WWOX: variants seen among roughly 807,000 people sequenced by gnomAD.
WWOX encodes the protein WW domain-containing oxidoreductase.
Under a neutral mutation model 46.2 loss-of-function variants are expected in WWOX, and 69 were observed. The ratio of observed to expected loss-of-function variants is 1.49; its 90% CI spans 1.23 to 1.82. The LOEUF (loss-of-function observed/expected upper bound fraction) is 1.82, where lower values mean the gene tolerates loss of function less well. Ranked by LOEUF, WWOX falls within the 40% of genes most tolerant of loss-of-function variation. The pLI, the probability that WWOX is intolerant of heterozygous loss-of-function variation, is 0.00. For missense variants in WWOX, 919 were observed against 542.6 expected, an observed-to-expected ratio of 1.69 and a Z score of -6.89; for synonymous variants, 359 against 202.6, an observed-to-expected ratio of 1.77 and a Z score of -6.56.
intron 8 of WWOX, among the ~76,000 whole-genome samples, chr16:79,105,766 AATCCTCCCACCTC>A (rs2049296448): frequency 6.6e-6 from 1 of 151,628 alleles, no homozygotes; most frequent in Admixed American, 6.6e-5. Flanking sequence ...GGATGCCAGC[AATCCTCCCACCTC>A]ATCCTCCCAA....
chr16:78,609,976 C>G (rs1015368452), intron 8 of WWOX, among the ~76,000 whole-genome samples: 3 of 150,224 alleles, frequency 2.0e-5, no homozygotes, highest in Non-Finnish European at 3.0e-5. Flanking sequence ...CCCCACCCCC[C>G]TTTAAGTAAC....
At chr16:78,127,121 C>T (rs996578894) in intron 4 of WWOX, among the ~76,000 whole-genome samples, 1 of 152,188 alleles carries the variant, frequency 6.6e-6, no homozygotes, top group African/African-American at 2.4e-5. Flanking sequence ...CACTTCCTAT[C>T]TGTATGACCC....
intron 6 of WWOX, among the ~76,000 whole-genome samples, chr16:78,388,226 T>G (rs915836195): frequency 1.3e-5 from 2 of 152,200 alleles, no homozygotes; most frequent in African/African-American, 4.8e-5. Context: ...ACATAGGGTT[T>G]CACCATATTG....
intron 8 of WWOX, among the ~76,000 whole-genome samples, chr16:78,706,575 C>A (rs1234369784): frequency 6.6e-6 from 1 of 152,206 alleles, no homozygotes; most frequent in South Asian, 2.1e-4. Flanking sequence ...GAGCTCAGCA[C>A]ACTTGGTGCA....
intron 5 of WWOX, among the ~76,000 whole-genome samples, chr16:78,202,645 G>A (rs924960275): frequency 3.9e-5 from 6 of 152,090 alleles, no homozygotes; most frequent in East Asian, 1.9e-4. Flanking sequence ...AATTTCATTC[G>A]ACTGGAGTAC....
chr16:78,849,696 A>G (rs2052393370), intron 8 of WWOX, among the ~76,000 whole-genome samples: 1 of 152,012 alleles, frequency 6.6e-6, no homozygotes, highest in Admixed American at 6.6e-5. Flanking sequence ...CCCTCCCTAG[A>G]CTAGATTTCT....
At chr16:78,884,627 A>T (rs1171342579) in intron 8 of WWOX, among the ~76,000 whole-genome samples, 1 of 152,228 alleles carries the variant, frequency 6.6e-6, no homozygotes, top group Non-Finnish European at 1.5e-5. Flanking sequence ...AGTTACAATG[A>T]GTTGACTAAA....
chr16:78,443,065 G>A (rs1453090177), intron 8 of WWOX, among the ~76,000 whole-genome samples: 1 of 151,346 alleles, frequency 6.6e-6, no homozygotes, highest in African/African-American at 2.4e-5. Flanking sequence ...GAACCCGGGA[G>A]GTGGAGGTTG....
At chr16:78,731,456 G>C in intron 8 of WWOX, among the ~76,000 whole-genome samples, 1 of 151,946 alleles carries the variant, frequency 6.6e-6, no homozygotes, top group East Asian at 1.9e-4. Flanking sequence ...TTTCAACATA[G>C]ACTTGTTACA....
chr16:78,923,546 A>G (rs190483479), intron 8 of WWOX, among the ~76,000 whole-genome samples: 136 of 152,224 alleles, frequency 8.9e-4, no homozygotes, highest in Non-Finnish European at 1.6e-3. Flanking sequence ...TTCTACATAC[A>G]TAATATATAT....
At chr16:78,897,111 A>G (rs144471668) in intron 8 of WWOX, 53 of 151,700 alleles carry the variant, frequency 3.5e-4, no homozygotes, top group African/African-American at 1.2e-3. Context: ...ATAGCTGGCC[A>G]TTGTGACATA....
intron 6 of WWOX, among the ~76,000 whole-genome samples, chr16:78,389,584 C>G (rs1053121996): frequency 2.0e-5 from 3 of 152,106 alleles, no homozygotes; most frequent in Non-Finnish European, 4.4e-5. Context: ...TCAAAGCAGT[C>G]CTTGGGAGTA....
chr16:78,641,591 C>G (rs903529759), intron 8 of WWOX, among the ~76,000 whole-genome samples: 3 of 152,130 alleles, frequency 2.0e-5, no homozygotes, highest in African/African-American at 7.2e-5. Context: ...GGAAGGGAAA[C>G]ATGAAAGGGA....
At chr16:78,281,935 A>G (rs899125885) in intron 5 of WWOX, among the ~76,000 whole-genome samples, 2 of 152,154 alleles carry the variant, frequency 1.3e-5, no homozygotes, top group Non-Finnish European at 2.9e-5. Context: ...CAAAGGGAAA[A>G]TTCTCTCCAA....
In WWOX at chr16:79,108,770, G is replaced by T. The variant is rs552851843; in HGVS notation, c.1057-102838G>T. 3.9e-5 allele frequency among the ~76,000 whole-genome samples: 6 copies of T among 152,082 alleles called. No individual in the cohort carries two copies. The East Asian group carries it at 1.2e-3, about 30-fold the overall frequency. ...TAAAAAATTAGTTAGGTGTAGTGGC[G>T]TGTGCCTGTAATCCTAGCTACTTGG... On this transcript the variant is annotated intron_variant, in intron 8 of 8. Transcript: ENST00000566780.
intron 8 of WWOX, among the ~76,000 whole-genome samples, chr16:79,010,128 G>C (rs993893750): frequency 6.6e-5 from 10 of 152,170 alleles, no homozygotes; most frequent in African/African-American, 2.4e-4. Flanking sequence ...CTCATGCCTA[G>C]ACTTCTTGCT....
At chr16:78,432,810 T>G in intron 8 of WWOX, 58 bp downstream of exon 8, 1 of 1,612,752 alleles carries the variant, frequency 6.2e-7, no homozygotes, top group South Asian at 1.1e-5. Flanking sequence ...ACCTGCACAC[T>G]TGTGTCTCCA....
chr16:79,078,208 C>T (rs148844024), intron 8 of WWOX: 2 of 152,204 alleles, frequency 1.3e-5, no homozygotes, highest in East Asian at 1.9e-4. Flanking sequence ...CAGATAAAGT[C>T]TGTGGCTCCA....
intron 5 of WWOX, among the ~76,000 whole-genome samples, chr16:78,329,411 G>A (rs2151890791): frequency 6.6e-6 from 1 of 152,318 alleles, no homozygotes; most frequent in Non-Finnish European, 1.5e-5. Context: ...TCCAGACAGA[G>A]TGAAATTTCT....
Sources: gnomAD v4.1 joint callset for allele counts (sites outside exome capture counted in the v4.1 genomes callset) on GRCh38, gnomAD v4.1.1 for gene constraint, MANE v1.5 for transcripts, NCBI Gene and HGNC (gene_info 2026-07-23, HGNC 2026-07-21) for gene names.